Variants in CEP112 observed in about 807,000 individuals in gnomAD.
The protein encoded by CEP112 is centrosomal protein of 112 kDa.
A neutral mutation model predicts 153.0 loss-of-function variants in CEP112; 127 were observed. The observed-to-expected ratio is 0.83, with a 90% CI of 0.72 to 0.96. CEP112 has a LOEUF of 0.96. CEP112 is among the 40% of genes least tolerant of loss of function. CEP112 has a pLI of 0.00. For missense variants in CEP112, 1,089 were observed against 1,101.2 expected (o/e 0.99, Z 0.16); for synonymous variants, 358 against 374.4 (o/e 0.96, Z 0.51).
At chr17:65,722,376 C>T (rs1436430750) in intron 23 of CEP112, among the ~76,000 whole-genome samples, 1 of 151,580 alleles carries the variant, frequency 6.6e-6, no homozygotes, top group African/African-American at 2.4e-5. Flanking sequence ...AGCCTCCCAA[C>T]TAGCTGGGAT....
intron 18 of CEP112, among the ~76,000 whole-genome samples, chr17:65,953,782 C>G (rs1227844427): frequency 6.6e-6 from 1 of 152,142 alleles, no homozygotes; most frequent in Non-Finnish European, 1.5e-5. Context: ...CACTCCCATC[C>G]CCCGCAGCAG....
chr17:65,729,701 C>T (rs1261932701), intron 23 of CEP112, among the ~76,000 whole-genome samples: 1 of 152,070 alleles, frequency 6.6e-6, no homozygotes, highest in African/African-American at 2.4e-5. Context: ...TGCAATAATA[C>T]AATTAACCAC....
intron 8 of CEP112, among the ~76,000 whole-genome samples, chr17:66,090,236 T>C (rs2068082879): frequency 6.6e-6 from 1 of 151,944 alleles, no homozygotes; most frequent in South Asian, 2.1e-4. Context: ...AAAATACATA[T>C]ATAAGGATAA....
At chr17:65,643,087 G>A (rs2045232893) in intron 24 of CEP112, among the ~76,000 whole-genome samples, 1 of 152,040 alleles carries the variant, frequency 6.6e-6, no homozygotes, top group Admixed American at 6.5e-5. Context: ...TGTCCTTTGG[G>A]TAGCAATGTG....
intron 4 of CEP112, among the ~76,000 whole-genome samples, chr17:66,144,537 A>C (rs2070841524): frequency 6.6e-6 from 1 of 152,142 alleles, no homozygotes; most frequent in African/African-American, 2.4e-5. Context: ...TACTAAAAAT[A>C]CAAAATTTAG....
rs549317818 is a variant in CEP112 at position 66,078,992 on chromosome 17, C to T, written c.769-8991G>A. ...CTTGTAGGATTTCTGCTGAAACATACGAGGGGCCAACGAACATATGAAACA... is the reference window on the plus strand; with the variant it reads ...CTTGTAGGATTTCTGCTGAAACATATGAGGGGCCAACGAACATATGAAACA... On this transcript the variant is annotated intron_variant, in intron 8 of 26. Coordinates refer to ENST00000535342, the MANE Select transcript of CEP112 (RefSeq NM_001199165.4). Among the ~76,000 whole-genome samples, 9 of 152,132 alleles carry T rather than the reference C, an allele frequency of 5.9e-5. No individual in the cohort carries two copies. The South Asian group carries it at 1.7e-3, about 28-fold the overall frequency.
chr17:65,970,728 A>G (rs539198968), intron 17 of CEP112, among the ~76,000 whole-genome samples: 1 of 150,216 alleles, frequency 6.7e-6, no homozygotes, highest in Admixed American at 6.6e-5. Flanking sequence ...TGCCTTTATC[A>G]CATGCATGTG....
At chr17:66,155,747 G>A (rs575203490) in intron 4 of CEP112, among the ~76,000 whole-genome samples, 14 of 152,286 alleles carry the variant, frequency 9.2e-5, no homozygotes, top group South Asian at 8.3e-4. Context: ...TTGAGTAGCC[G>A]GGTTTCCCCT....
chr17:65,753,418 C>T (rs981261), intron 21 of CEP112, among the ~76,000 whole-genome samples: 141,980 of 152,296 alleles, frequency 0.93, 66,240 homozygotes, highest in East Asian at 0.97. Flanking sequence ...CATTTTTTTA[C>T]GGACTTAAGT....
chr17:66,035,207 G>C (rs1568411905), intron 12 of CEP112, among the ~76,000 whole-genome samples: 1 of 151,710 alleles, frequency 6.6e-6, no homozygotes, highest in Non-Finnish European at 1.5e-5. Flanking sequence ...GAAAGGAAGA[G>C]ATTTGTGACT....
At chr17:66,152,194 T>C (rs2071239291) in intron 4 of CEP112, among the ~76,000 whole-genome samples, 1 of 152,128 alleles carries the variant, frequency 6.6e-6, no homozygotes, top group Admixed American at 6.6e-5. Context: ...GAAGAGGTCA[T>C]TAGTAGGAAT....
chr17:66,097,787 T>C (rs970548838), intron 6 of CEP112, among the ~76,000 whole-genome samples: 24 of 152,236 alleles, frequency 1.6e-4, no homozygotes, highest in Non-Finnish European at 3.2e-4. Flanking sequence ...GATAGTTATC[T>C]CTACTATTTC....
intron 4 of CEP112, among the ~76,000 whole-genome samples, chr17:66,141,610 C>T (rs1308739328): frequency 1.3e-5 from 2 of 152,266 alleles, no homozygotes; most frequent in Middle Eastern, 6.8e-3. Context: ...CTACTCTCCT[C>T]TTCTATGGGT....
chr17:66,116,375 C>T (rs780950197), intron 6 of CEP112, among the ~76,000 whole-genome samples: 6 of 151,948 alleles, frequency 3.9e-5, no homozygotes, highest in Non-Finnish European at 7.4e-5. Context: ...AGTTCTAATG[C>T]TTTGGGGGAA....
intron 20 of CEP112, among the ~76,000 whole-genome samples, chr17:65,882,109 GT>G (rs1326296671): frequency 6.6e-6 from 1 of 152,196 alleles, no homozygotes; most frequent in African/African-American, 2.4e-5. Flanking sequence ...AATTATACTC[GT>G]TTTGACTGAA....
chr17:66,110,408 C>T (rs1010505119), intron 6 of CEP112, among the ~76,000 whole-genome samples: 1 of 149,140 alleles, frequency 6.7e-6, no homozygotes, highest in Admixed American at 6.6e-5. Context: ...ACCAATTGAA[C>T]CAACTGGAAA....
At chr17:66,117,507 C>T (rs1461162018) in intron 6 of CEP112, among the ~76,000 whole-genome samples, 2 of 152,184 alleles carry the variant, frequency 1.3e-5, no homozygotes, top group Non-Finnish European at 2.9e-5. Context: ...TAAATTCCCT[C>T]TATGCCTCTG....
intron 20 of CEP112, among the ~76,000 whole-genome samples, chr17:65,858,374 T>G (rs1568125524): frequency 2.0e-5 from 3 of 152,166 alleles, no homozygotes; most frequent in Non-Finnish European, 4.4e-5. Context: ...GTTTTTAAAA[T>G]TTGCTTAATT....
chr17:66,072,958 TATAA>T (rs2067356875), intron 8 of CEP112, among the ~76,000 whole-genome samples: 1 of 152,194 alleles, frequency 6.6e-6, no homozygotes, highest in African/African-American at 2.4e-5. Context: ...TAGATGTAGA[TATAA>T]ATATAGATAT....
Sources: allele counts gnomAD v4.1 joint callset (sites outside exome capture counted in the v4.1 genomes callset), GRCh38; gene constraint gnomAD v4.1.1; transcripts MANE v1.5; gene names NCBI Gene and HGNC (gene_info 2026-07-23, HGNC 2026-07-21).